The following CTXND1 variants were observed in gnomAD, a reference collection of about 807,000 sequenced individuals.
CTXND1 encodes cortexin domain-containing 1 protein.
chr15:80,246,164 C>T (rs535861920), intron 1 of CTXND1, among the ~76,000 whole-genome samples: 1 of 152,320 alleles, frequency 6.6e-6, no homozygotes, highest in East Asian at 1.9e-4. Flanking sequence ...ACATTTCTTG[C>T]TCTGAATTCA....
Position 80,197,740 on chromosome 15 carries a change from C to T in CTXND1, c.*4030G>A, listed in dbSNP as rs1314513643. ...GGTCATTGATCATGCCTGGCAGAACCAGTCCTCAACAGCAAGACCTAGGGG... is the reference window on the plus strand; with the variant it reads ...GGTCATTGATCATGCCTGGCAGAACTAGTCCTCAACAGCAAGACCTAGGGG... On this transcript the variant is annotated 3_prime_UTR_variant, in exon 3 of 3. Coordinates refer to ENST00000560778, the MANE Select transcript of CTXND1 (RefSeq NM_001352888.2). 3.3e-5 allele frequency: 5 copies of T among 152,272 alleles called. No individual in the cohort carries two copies. The highest frequency in any genetic ancestry group is 1.2e-4 in the African/African-American group (5 of 41,464). The allele number at this position is 152,272 out of a possible 1,614,324, so 9.4% of individuals were successfully genotyped here. A position where few individuals can be genotyped will look rare whatever the true frequency, so the allele number is the denominator to read the frequency against.
At chr15:80,204,737 G>A (rs1893130880) in intron 1 of CTXND1, among the ~76,000 whole-genome samples, 1 of 150,404 alleles carries the variant, frequency 6.6e-6, no homozygotes, top group South Asian at 2.1e-4. Context: ...TTTTGGCTGT[G>A]TAAATAGTGC....
intron 1 of CTXND1, among the ~76,000 whole-genome samples, chr15:80,205,917 C>A (rs1164604683): frequency 2.0e-5 from 3 of 151,802 alleles, no homozygotes; most frequent in Non-Finnish European, 2.9e-5. Flanking sequence ...GTGTTTCAGT[C>A]ACACAATCTT....
At chr15:80,220,849 T>C (rs1893306512) in intron 1 of CTXND1, among the ~76,000 whole-genome samples, 4 of 151,384 alleles carry the variant, frequency 2.6e-5, no homozygotes, top group Admixed American at 2.6e-4. Flanking sequence ...TTTTTATGTA[T>C]GAATTTTAAA....
At chr15:80,223,174 G>A (rs554659302) in intron 1 of CTXND1, among the ~76,000 whole-genome samples, 51 of 152,260 alleles carry the variant, frequency 3.3e-4, no homozygotes, top group South Asian at 1.2e-3. Flanking sequence ...CGCCTCCTAG[G>A]TTCAAGCGAT....
intron 1 of CTXND1, among the ~76,000 whole-genome samples, chr15:80,230,048 C>A: frequency 6.6e-6 from 1 of 152,154 alleles, no homozygotes; most frequent in East Asian, 1.9e-4. Flanking sequence ...GACTTGGAAC[C>A]AATGTTCTCT....
In CTXND1 at chr15:80,204,672, T is replaced by TATATATAC. The variant is rs898718335; in HGVS notation, c.-217-933_-217-932insGTATATAT. On this transcript the variant is annotated intron_variant, in intron 1 of 2. Transcript: ENST00000560778. ...GTATATATATATATATATATATATATACCACATTTTGTTTATCCATTTTTT... is the reference window on the plus strand; with the variant it reads ...GTATATATATATATATATATATATATATATATACACCACATTTTGTTTATCCATTTTTT... Among the ~76,000 whole-genome samples the TATATATAC allele has an allele frequency of 3.2e-5, 4 of 124,876 alleles. No homozygotes were observed. The South Asian group carries it at 9.5e-4, about 30-fold the overall frequency. 81.9% of individuals were successfully genotyped at this position (124,876 alleles called of 152,430 possible).
intron 1 of CTXND1, among the ~76,000 whole-genome samples, chr15:80,246,652 G>A (rs1296176695): frequency 2.6e-5 from 4 of 152,156 alleles, no homozygotes; most frequent in African/African-American, 9.7e-5. Flanking sequence ...GGGATTTGGA[G>A]TTTGAGTCAA....
chr15:80,229,319 A>C (rs1264440087), intron 1 of CTXND1, among the ~76,000 whole-genome samples: 2 of 152,220 alleles, frequency 1.3e-5, no homozygotes, highest in African/African-American at 4.8e-5. Context: ...GGTCATACCA[A>C]GGTAAATACA....
At chr15:80,213,627 G>A (rs1229520472) in intron 1 of CTXND1, among the ~76,000 whole-genome samples, 2 of 152,072 alleles carry the variant, frequency 1.3e-5, no homozygotes, top group Non-Finnish European at 2.9e-5. Context: ...GAAGGAGCAA[G>A]GATAAGAAAA....
rs2041437819 is a variant in CTXND1, at chr15:80,199,506, C to T, written c.*2264G>A. ...TGCATTGTAAATGCATGCTGATGAG[C>T]TTTTCACAGAAATGCCTGGCTTCTC... On this transcript the variant is annotated 3_prime_UTR_variant, in exon 3 of 3. Coordinates refer to ENST00000560778, the MANE Select transcript of CTXND1 (RefSeq NM_001352888.2). The T allele has an allele frequency of 6.6e-6, 1 of 152,268 alleles. No individual in the cohort carries two copies. The highest frequency in any genetic ancestry group is 1.5e-5 in the Non-Finnish European group (1 of 68,092). 9.4% of individuals were successfully genotyped at this position (152,268 alleles called of 1,614,324 possible).
At chr15:80,205,226 C>A (rs1567127935) in intron 1 of CTXND1, among the ~76,000 whole-genome samples, 3 of 152,012 alleles carry the variant, frequency 2.0e-5, no homozygotes. Flanking sequence ...TACGGATATC[C>A]CATAGTAAAT....
intron 1 of CTXND1, among the ~76,000 whole-genome samples, chr15:80,216,778 C>T (rs747174698): frequency 7.2e-5 from 11 of 152,126 alleles, no homozygotes; most frequent in Non-Finnish European, 1.5e-4. Context: ...CCATGCCCAG[C>T]TAATTTTTGT....
chr15:80,238,294 C>T (rs1272032668), intron 1 of CTXND1, among the ~76,000 whole-genome samples: 1 of 152,060 alleles, frequency 6.6e-6, no homozygotes, highest in Non-Finnish European at 1.5e-5. Context: ...CATATTTTTA[C>T]TGTACCTTTT....
At chr15:80,222,574 T>A (rs1050119123) in intron 1 of CTXND1, among the ~76,000 whole-genome samples, 6 of 152,220 alleles carry the variant, frequency 3.9e-5, no homozygotes, top group Non-Finnish European at 7.4e-5. Context: ...AAGATATGAA[T>A]GAGTTTTACA....
chr15:80,229,856 G>T (rs1265044519), intron 1 of CTXND1, among the ~76,000 whole-genome samples: 1 of 151,996 alleles, frequency 6.6e-6, no homozygotes, highest in Non-Finnish European at 1.5e-5. Context: ...CCCTTTTTAT[G>T]TTGGCCTCAA....
At chr15:80,229,111 A>G (rs534978519) in intron 1 of CTXND1, among the ~76,000 whole-genome samples, 27 of 152,236 alleles carry the variant, frequency 1.8e-4, no homozygotes, top group African/African-American at 6.5e-4. Context: ...GAAAGCCTGT[A>G]AGGTGTATGA....
At position 80,195,661 on chromosome 15, in the gene CTXND1, AT is replaced by A. The variant is rs2041416677; in HGVS notation, c.*6108del. 1 of 152,206 alleles carries A rather than the reference AT, an allele frequency of 6.6e-6. No homozygotes were observed. Among genetic ancestry groups the A allele is most frequent in the African/African-American group, 2.4e-5 (1 of 41,426 alleles). The allele number at this position is 152,206 out of a possible 1,614,324, so 9.4% of individuals were successfully genotyped here. A position where few individuals can be genotyped will look rare whatever the true frequency, so the allele number is the denominator to read the frequency against. Reference sequence around the variant, plus strand: ...CCTTCATAACAAACCCACTCTTGAGATAACTGCATTAATCCATTCACTCCGC... The same window carrying A: ...CCTTCATAACAAACCCACTCTTGAGAAACTGCATTAATCCATTCACTCCGC... On this transcript the variant is annotated 3_prime_UTR_variant, in exon 3 of 3. Coordinates refer to ENST00000560778, the MANE Select transcript of CTXND1 (RefSeq NM_001352888.2).
At chr15:80,230,581 G>C (rs1194704621) in intron 1 of CTXND1, among the ~76,000 whole-genome samples, 1 of 151,498 alleles carries the variant, frequency 6.6e-6, no homozygotes, top group Non-Finnish European at 1.5e-5. Flanking sequence ...ATTTTCTTTG[G>C]GTTTTGTTTG....
Sources: allele counts gnomAD v4.1 joint callset (sites outside exome capture counted in the v4.1 genomes callset), GRCh38; gene constraint gnomAD v4.1.1; transcripts MANE v1.5; gene names NCBI Gene and HGNC (gene_info 2026-07-23, HGNC 2026-07-21).